ABCF3: variants seen among roughly 807,000 people sequenced by gnomAD.
The protein encoded by ABCF3 is ATP binding cassette subfamily F member 3, also known as ATP-binding cassette sub-family F member 3.
In ABCF3, 62 loss-of-function variants were observed where a neutral mutation model predicts 94.3. The observed-to-expected ratio is 0.66, with a 90% CI of 0.54 to 0.81. The LOEUF is 0.81. ABCF3 is among the 40% of genes least tolerant of loss of function. The pLI, the probability that ABCF3 is intolerant of heterozygous loss-of-function variation, is 0.00. For missense variants in ABCF3, 843 were observed against 925.3 expected (o/e 0.91, Z 1.15); for synonymous variants, 355 against 361.1 (o/e 0.98, Z 0.19).
intron 14 of ABCF3, chr3:184,190,138 G>T: frequency 1.7e-6 from 1 of 600,764 alleles, no homozygotes. Flanking sequence ...TTTACTTTCT[G>T]TTTCTGCTTC....
At position 184,188,568 on chromosome 3, in the gene ABCF3, A is replaced by G. The variant is rs565464950; in HGVS notation, c.836+161A>G. 1.0e-4 allele frequency: 111 copies of G among 1,095,186 alleles called. No homozygotes were observed. In the African/African-American group the frequency reaches 1.3e-3, roughly 13 times the overall value. The allele number at this position is 1,095,186 out of a possible 1,614,324, so 67.8% of individuals were successfully genotyped here. A position where few individuals can be genotyped will look rare whatever the true frequency, so the allele number is the denominator to read the frequency against. On this transcript the variant is annotated intron_variant, in intron 7 of 20. Coordinates refer to ENST00000429586, the MANE Select transcript of ABCF3 (RefSeq NM_018358.3). ...AGCCCTTGTTCTTTCCACAGTGCCC[A>G]TTGCCCTTTCTTGTTCTTTCCACAG...
chr3:184,190,091 G>A (rs17774065), intron 14 of ABCF3, 160 bp downstream of exon 14: 183,270 of 732,612 alleles, frequency 0.25, 24,806 homozygotes, highest in Admixed American at 0.36. Flanking sequence ...CACTGTTCTT[G>A]GAGGGCTAAT....
intron 14 of ABCF3, chr3:184,190,791 T>C (rs899940569): frequency 1.5e-5 from 9 of 593,856 alleles, no homozygotes; most frequent in African/African-American, 1.5e-4. Context: ...TGGAAACATA[T>C]CACAATATAG....
At chr3:184,191,420 C>T (rs73049792) in intron 16 of ABCF3, among the ~76,000 whole-genome samples, 165 bp downstream of exon 16, 5,061 of 152,176 alleles carry the variant, frequency 0.033, 272 homozygotes, top group African/African-American at 0.12. Context: ...GTCCTCTGGC[C>T]GCACAGCGCT....
intron 14 of ABCF3, chr3:184,190,708 T>G: frequency 2.9e-6 from 1 of 344,192 alleles, no homozygotes; most frequent in Non-Finnish European, 5.4e-6. Context: ...GCATTGGGAG[T>G]TTAATTTTGA....
chr3:184,189,152 T>C lies in ABCF3; in HGVS notation c.1034+8T>C, dbSNP rs947950631. 5 of 1,614,188 alleles carry C rather than the reference T, an allele frequency of 3.1e-6. No homozygotes were observed. Among genetic ancestry groups the C allele is most frequent in the African/African-American group, 1.3e-5 (1 of 75,038 alleles). ...CCGGGCCCTCTTTGCTAGGTGAGTC[T>C]CCTGGGCCAGTGTATGAAGCCCTAT... On this transcript the variant is annotated splice_region_variant and intron_variant, in intron 10 of 20. Coordinates refer to ENST00000429586, the MANE Select transcript of ABCF3 (RefSeq NM_018358.3).
chr3:184,192,956 C>T lies in ABCF3; in HGVS notation c.1750+60C>T, dbSNP rs1048563400. On this transcript the variant is annotated intron_variant, in intron 18 of 20. Transcript: ENST00000429586. ...AGTAGGGAAGAGGGCTGAGGCTGAC[C>T]CCGGCAGCTAGGCCTGCCTTGGGGT... 3.1e-5 allele frequency: 50 copies of T among 1,597,108 alleles called. No homozygotes were observed. In the African/African-American group the frequency reaches 6.2e-4, roughly 20 times the overall value.
rs763414518 is a variant in ABCF3, at chr3:184,186,804, C to T, written c.230C>T (p.Pro77Leu). 1.7e-5 allele frequency: 28 copies of T among 1,613,752 alleles called. No individual in the cohort carries two copies. Among genetic ancestry groups the T allele is most frequent in the Non-Finnish European group, 2.3e-5 (27 of 1,179,904 alleles). The part of the protein sequence containing the change: ...RMYNTLRLAE[P>L]QSQGNSQVLL... The stretch of plus-strand genomic sequence containing the variant: ...TATCCCTACCCACATAGGGCTGAGC[C>T]ACAAAGCCAGGGAAATAGCCAGGTG... The change falls in exon 3 of 21, where the codon CCA (proline) becomes CTA (leucine). Residue 77 changes from proline (P) to leucine (L), a missense_variant. By Grantham distance (98) the Pro-to-Leu change is moderately conservative. Transcript: ENST00000429586.
Position 184,193,589 on chromosome 3 carries a change from G to A in ABCF3, c.2021G>A (p.Cys674Tyr). ...GATGAGCGCTTTATCAGGCTGGTGT[G>A]CCGGGAGTTGTGGGTATGCGAAGGA... ...SHDERFIRLV[C>Y]RELWVCEGGG... is the part of the protein sequence containing the mutation. The change falls in exon 21 of 21, where the codon TGC (cysteine) becomes TAC (tyrosine). Residue 674 changes from cysteine to tyrosine, a missense_variant. Cys to Tyr is a radical substitution (Grantham distance 194). Transcript: ENST00000429586. This position sits in a 1 kb window ranked among gnomAD's most constrained non-coding sequence, Gnocchi z 5.2. 1.2e-6 allele frequency: 2 copies of A among 1,614,210 alleles called. No individual in the cohort carries two copies. The highest frequency in any genetic ancestry group is 2.2e-5 in the South Asian group (2 of 91,088).
chr3:184,189,804 G>A, intron 13 of ABCF3, 47 bp downstream of exon 13: 2 of 1,614,064 alleles, frequency 1.2e-6, no homozygotes, highest in Non-Finnish European at 1.7e-6. Flanking sequence ...GGGTTCCAGA[G>A]TGGGGGATAG....
At chr3:184,187,297 T>C in intron 3 of ABCF3, 100 bp from the exon 4 acceptor site, 1 of 1,378,422 alleles carries the variant, frequency 7.3e-7, no homozygotes, top group South Asian at 1.2e-5. Flanking sequence ...TAAGGTTTTG[T>C]AGAAAACATC....
chr3:184,188,256 C>T lies in ABCF3; in HGVS notation c.685C>T (p.Arg229Trp), dbSNP rs775630869. 7 of 1,614,010 alleles carry T rather than the reference C, an allele frequency of 4.3e-6. No individual in the cohort carries two copies. The African/African-American group carries it at 8.0e-5, about 18-fold the overall frequency. ...GAAGATGCTGGCCACCCGGAGTCTG[C>T]GGGTTCCAGCCCACATTTCCCTGCT... ...LLKMLATRSL[R>W]VPAHISLLHV... Residue 229 changes from arginine to tryptophan, a missense_variant, in exon 7 of 21, where the codon CGG (arginine) becomes TGG (tryptophan). By Grantham distance (101) the Arg-to-Trp change is moderately radical (BLOSUM62 -3). Coordinates refer to ENST00000429586, the MANE Select transcript of ABCF3 (RefSeq NM_018358.3).
chr3:184,189,822 AT>A lies in ABCF3; in HGVS notation c.1315-30del, dbSNP rs750462718. Reference sequence around the variant, plus strand: ...TTCCAGAGTGGGGGATAGTGGGGGAATTTGACCAATGCCTACACTCCTCCAC... The same window carrying A: ...TTCCAGAGTGGGGGATAGTGGGGGAATTGACCAATGCCTACACTCCTCCAC... On this transcript the variant is annotated intron_variant, in intron 13 of 20. Coordinates refer to ENST00000429586, the MANE Select transcript of ABCF3 (RefSeq NM_018358.3). 3 of 1,614,032 alleles carry A rather than the reference AT, an allele frequency of 1.9e-6. No individual in the cohort carries two copies. The South Asian group carries it at 3.3e-5, about 18-fold the overall frequency.
At chr3:184,192,723 A>T in intron 17 of ABCF3, 34 bp downstream of exon 17, 1 of 1,608,902 alleles carries the variant, frequency 6.2e-7, no homozygotes, top group African/African-American at 1.3e-5. Flanking sequence ...CCCCATGAGC[A>T]CATTTGCAGG....
intron 14 of ABCF3, 72 bp downstream of exon 14, chr3:184,190,003 T>G (rs1168583347): frequency 5.3e-6 from 8 of 1,523,260 alleles, no homozygotes; most frequent in Admixed American, 3.5e-5. Context: ...CACGCCACCC[T>G]TGCCCTACCA....
At chr3:184,188,119 T>G in intron 6 of ABCF3, 22 bp from the exon 7 acceptor site, 1 of 1,610,934 alleles carries the variant, frequency 6.2e-7, no homozygotes, top group Non-Finnish European at 8.5e-7. Context: ...GCATCTTTGG[T>G]CTCCTTTCTC....
In ABCF3 at chr3:184,189,709, C is replaced by G; in HGVS notation, c.1266C>G (p.Asn422Lys). ...AGAGTAAGCAGGAGCGGCTGCTCAA[C>G]CAGCAGCGTGAATATGAGGCGCAGC... Reference protein sequence around the residue: ...FIKSKQERLLNQQREYEAQQQ... With the variant: ...FIKSKQERLLKQQREYEAQQQ... The change falls in exon 13 of 21, where the codon AAC (asparagine) becomes AAG (lysine). Residue 422 changes from asparagine to lysine, a missense_variant. Asn to Lys is a moderately conservative substitution (Grantham distance 94). Coordinates refer to ENST00000429586, the MANE Select transcript of ABCF3 (RefSeq NM_018358.3). 1 of 1,614,066 alleles carries G rather than the reference C, an allele frequency of 6.2e-7. No homozygotes were observed. Among genetic ancestry groups the G allele is most frequent in the South Asian group, 1.1e-5 (1 of 91,088 alleles).
Position 184,193,029 on chromosome 3 carries a change from T to C in ABCF3, c.1751-73T>C. ...GCCTAGATGGAAGGACATGGGGACT[T>C]GGAGGTGTGGCTGGAGGGCACAGGG... On this transcript the variant is annotated intron_variant, in intron 18 of 20. Coordinates refer to ENST00000429586, the MANE Select transcript of ABCF3 (RefSeq NM_018358.3). The surrounding 1 kb of genome is among the most constrained non-coding windows in gnomAD (Gnocchi z 5.2). 1.3e-6 allele frequency: 2 copies of C among 1,547,408 alleles called. No individual in the cohort carries two copies. The highest frequency in any genetic ancestry group is 1.7e-6 in the Non-Finnish European group (2 of 1,145,396).
chr3:184,190,131 A>G, intron 14 of ABCF3, 200 bp downstream of exon 14: 1 of 604,310 alleles, frequency 1.7e-6, no homozygotes, highest in Non-Finnish European at 2.9e-6. Context: ...CCACTAATTT[A>G]CTTTCTGTTT....
Sources: allele counts gnomAD v4.1 joint callset (sites outside exome capture counted in the v4.1 genomes callset), GRCh38; gene constraint gnomAD v4.1.1; non-coding constraint Gnocchi (gnomAD v3.1); transcripts MANE v1.5; gene names NCBI Gene and HGNC (gene_info 2026-07-23, HGNC 2026-07-21).